The following PAPLN variants were observed in gnomAD, a reference collection of about 807,000 sequenced individuals.
PAPLN encodes the protein papilin, proteoglycan like sulfated glycoprotein, also known as papilin.
Under a neutral mutation model 159.0 loss-of-function variants are expected in PAPLN, and 146 were observed. That is an observed-to-expected ratio of 0.92 (90% CI 0.80 to 1.05). The LOEUF (loss-of-function observed/expected upper bound fraction) is 1.05. Ranked by LOEUF, PAPLN falls within the 50% of genes least tolerant of loss-of-function variation. The pLI is 0.00. For missense variants in PAPLN, 1,720 were observed against 1,743.9 expected (o/e 0.99, Z 0.24); for synonymous variants, 734 against 702.9 (o/e 1.04, Z -0.70).
At chr14:73,258,618 T>TAAAAAAAAAAAAAAAAAAAAAAAA (rs57126237) in intron 14 of PAPLN, among the ~76,000 whole-genome samples, 2 of 75,788 alleles carry the variant, frequency 2.6e-5, no homozygotes, top group Admixed American at 1.6e-4. Context: ...ACCCTATCTC[T>TAAAAAAAAAAAAAAAAAAAAAAAA]AAAAAAAAAA....
chr14:73,252,887 C>T (rs534498114), intron 11 of PAPLN, 112 bp downstream of exon 11: 10 of 1,490,216 alleles, frequency 6.7e-6, no homozygotes, highest in Admixed American at 5.8e-5. Context: ...GGGTCCAGGG[C>T]CCCCCACGCT....
rs564961656 is a variant in PAPLN at position 73,263,891 on chromosome 14, CCCT to C, written c.2861+116_2861+118del. 4.4e-4 allele frequency: 539 copies of C among 1,212,052 alleles called. 2 individuals carry two copies. In the African/African-American group the frequency reaches 7.9e-3, roughly 18 times the overall value. The allele number at this position is 1,212,052 out of a possible 1,614,324, so 75.1% of individuals were successfully genotyped here. ...CCTCCTCTGATAGGTGTGACAGACC[CCCT>C]CCTCCTTTGACAGGTGTGTGTGACA... On this transcript the variant is annotated intron_variant, in intron 20 of 26. Transcript: ENST00000644200.
At chr14:73,251,465 C>A in intron 7 of PAPLN, 21 bp from the exon 8 acceptor site, 1 of 1,599,552 alleles carries the variant, frequency 6.3e-7, no homozygotes, top group Non-Finnish European at 8.5e-7. Context: ...GCACACCCAG[C>A]ACCTGCGTCT....
chr14:73,269,669 G>C (rs1388726992), intron 26 of PAPLN, among the ~76,000 whole-genome samples: 1 of 152,236 alleles, frequency 6.6e-6, no homozygotes, highest in Non-Finnish European at 1.5e-5. Context: ...TTGTGTCCTT[G>C]GTTCTTGTTC....
At chr14:73,264,535 T>C in intron 21 of PAPLN, 53 bp from the exon 22 acceptor site, 1 of 1,561,086 alleles carries the variant, frequency 6.4e-7, no homozygotes, top group Non-Finnish European at 8.6e-7. Context: ...CGCCCTTCCT[T>C]CCACTCCCTT....
At chr14:73,258,660 G>C (rs928401907) in intron 14 of PAPLN, among the ~76,000 whole-genome samples, 2 of 145,402 alleles carry the variant, frequency 1.4e-5, no homozygotes, top group Admixed American at 1.4e-4. Context: ...TACTCAGGGG[G>C]CTGAAGTGGG....
chr14:73,262,155 G>T, intron 18 of PAPLN, 195 bp from the exon 19 acceptor site: 2 of 577,296 alleles, frequency 3.5e-6, no homozygotes, highest in South Asian at 2.9e-5. Context: ...ACCAGCCGGG[G>T]GCAGGTCTGC....
intron 2 of PAPLN, chr14:73,242,777 C>A (rs1023131135): frequency 6.6e-6 from 1 of 152,230 alleles, no homozygotes; most frequent in Non-Finnish European, 1.5e-5. Context: ...AAAGCTAAGA[C>A]CTCTCATCTG....
rs1258687928 is a variant in PAPLN at position 73,247,928 on chromosome 14, GTGTGTGT to G, written c.334+1758_334+1764del. Among the ~76,000 whole-genome samples, 4 of 114,432 alleles carry G rather than the reference GTGTGTGT, an allele frequency of 3.5e-5. 1 individual carries two copies. The highest frequency in any genetic ancestry group is 7.5e-5 in the Non-Finnish European group (4 of 53,550). The allele number at this position is 114,432 out of a possible 152,430, so 75.1% of individuals were successfully genotyped here. A position where few individuals can be genotyped will look rare whatever the true frequency, so the allele number is the denominator to read the frequency against. On this transcript the variant is annotated intron_variant, in intron 5 of 26. Transcript: ENST00000644200. ...TGTGTGTGTGTGTGTGTGTGTGTGT[GTGTGTGT>G]TGTGGGGACCGTGGCTGTGGGCATG...
intron 12 of PAPLN, among the ~76,000 whole-genome samples, 178 bp downstream of exon 12, chr14:73,254,139 G>T (rs1348075425): frequency 6.6e-6 from 1 of 152,186 alleles, no homozygotes; most frequent in African/African-American, 2.4e-5. Context: ...GAGTGGTCCA[G>T]GGCTCTTCCT....
chr14:73,236,557 C>A (rs1883041677), upstream of PAPLN, among the ~76,000 whole-genome samples: 1 of 152,162 alleles, frequency 6.6e-6, no homozygotes, highest in African/African-American at 2.4e-5. Context: ...TGGCTCACGT[C>A]TGTAATCCCA....
chr14:73,265,342 C>T lies in PAPLN; in HGVS notation c.3126-28C>T, dbSNP rs754983455. ...TAGGCGGGGGCAACGGCAAGGGCCCCTCATGCTGTGGGCTGCTTGTTTGGC... is the reference window on the plus strand; with the variant it reads ...TAGGCGGGGGCAACGGCAAGGGCCCTTCATGCTGTGGGCTGCTTGTTTGGC... On this transcript the variant is annotated intron_variant, in intron 22 of 26. Coordinates refer to ENST00000644200, the MANE Select transcript of PAPLN (RefSeq NM_001365906.3). This position sits in a 1 kb window ranked among gnomAD's most constrained non-coding sequence, Gnocchi z 4.1. The T allele has an allele frequency of 2.5e-6, 4 of 1,601,986 alleles. No homozygotes were observed. The highest frequency in any genetic ancestry group is 2.2e-5 in the East Asian group (1 of 44,820).
rs1884119074 is a variant in PAPLN at position 73,245,462 on chromosome 14, A to G, written c.171-174A>G. The G allele has an allele frequency of 3.0e-6, 2 of 656,980 alleles. No homozygotes were observed. Among genetic ancestry groups the G allele is most frequent in the Non-Finnish European group, 5.2e-6 (2 of 387,582 alleles). 40.7% of individuals were successfully genotyped at this position (656,980 alleles called of 1,614,324 possible). A position where few individuals can be genotyped will look rare whatever the true frequency, so the allele number is the denominator to read the frequency against. On this transcript the variant is annotated intron_variant, in intron 3 of 26. Transcript: ENST00000644200. This position sits in a 1 kb window ranked among gnomAD's most constrained non-coding sequence, Gnocchi z 4.2. ...TGAGTCCCGCTTCTCTGGAGTACCA[A>G]CATGGGTCGCTCACTCCCACCTGGG... is the stretch of plus-strand genomic sequence containing the variant.
chr14:73,272,526 G>A lies in PAPLN; in HGVS notation c.3699G>A (p.Arg1233=), dbSNP rs1274417149. 1.3e-6 allele frequency: 2 copies of A among 1,578,770 alleles called. No individual in the cohort carries two copies. Residue 1233 remains arginine, a synonymous_variant, in exon 27 of 27, where the codon AGG becomes AGA. Transcript: ENST00000644200. ...APTAQPRDPG[R]DCVDQPELAN... Reference sequence around the variant, plus strand: ...CCGCCCAGCCCAGGGACCCTGGCAGGGACTGCGTCGACCAGCCAGAGCTGG... The same window carrying A: ...CCGCCCAGCCCAGGGACCCTGGCAGAGACTGCGTCGACCAGCCAGAGCTGG...
intron 26 of PAPLN, among the ~76,000 whole-genome samples, chr14:73,269,856 A>G (rs934456953): frequency 1.8e-5 from 2 of 113,688 alleles, no homozygotes. Context: ...GGTTACACTC[A>G]GAGGGGCAGG....
upstream of PAPLN, among the ~76,000 whole-genome samples, chr14:73,236,906 G>C (rs975738701): frequency 6.9e-6 from 1 of 144,504 alleles, no homozygotes; most frequent in Non-Finnish European, 1.5e-5. Context: ...AGAAAGAAAA[G>C]AGGAAGGGAG....
intron 6 of PAPLN, among the ~76,000 whole-genome samples, chr14:73,250,574 G>A (rs1326315446): frequency 1.3e-5 from 2 of 152,096 alleles, no homozygotes; most frequent in African/African-American, 4.8e-5. Context: ...TCTAGCCACC[G>A]GGGGTTGTCT....
At chr14:73,252,184 G>A in intron 10 of PAPLN, 43 bp downstream of exon 10, 1 of 1,532,924 alleles carries the variant, frequency 6.5e-7, no homozygotes, top group Non-Finnish European at 8.8e-7. Context: ...GGCCCTGTGT[G>A]CTGGATCCCA....
At chr14:73,238,157 C>T (rs748393039) in intron 1 of PAPLN, among the ~76,000 whole-genome samples, 99 of 152,350 alleles carry the variant, frequency 6.5e-4, no homozygotes, top group Non-Finnish European at 1.3e-3. Context: ...CTGCGGACTG[C>T]GGCGGTCCCG....
Sources: allele counts gnomAD v4.1 joint callset (sites outside exome capture counted in the v4.1 genomes callset), GRCh38; gene constraint gnomAD v4.1.1; non-coding constraint Gnocchi (gnomAD v3.1); transcripts MANE v1.5; gene names NCBI Gene and HGNC (gene_info 2026-07-23, HGNC 2026-07-21).